The following FNIP1 variants were observed in gnomAD, a reference collection of about 807,000 sequenced individuals.
FNIP1 encodes the protein folliculin interacting protein 1.
In FNIP1, 40 loss-of-function variants were observed where a neutral mutation model predicts 124.5. The observed-to-expected ratio is 0.32, with a 90% CI of 0.25 to 0.42. The LOEUF (loss-of-function observed/expected upper bound fraction) is 0.42. FNIP1 is among the 10% of genes least tolerant of loss of function. The pLI is 1.00. For missense variants in FNIP1, 1,176 were observed against 1,403.7 expected, an observed-to-expected ratio of 0.84 and a Z score of 2.59; for synonymous variants, 472 against 470.6, an observed-to-expected ratio of 1.00 and a Z score of -0.04.
Position 131,710,607 on chromosome 5 carries a change from C to A in FNIP1, c.677G>T (p.Arg226Leu), listed in dbSNP as rs747434286. 1 of 1,613,930 alleles carries A rather than the reference C, an allele frequency of 6.2e-7. No homozygotes were observed. Among genetic ancestry groups the A allele is most frequent in the Non-Finnish European group, 8.5e-7 (1 of 1,179,956 alleles). The change falls in exon 7 of 18, where the codon CGC becomes CTC. Residue 226 changes from arginine (R) to leucine (L), a missense_variant. Arg to Leu is a moderately radical substitution (Grantham distance 102, BLOSUM62 -2). Around this residue, in one of 2 missense-constraint regions of FNIP1, gnomAD observed 1,109 missense variants for 1,288.5 expected, o/e 0.86. Transcript: ENST00000510461. Reference sequence around the variant, plus strand: ...AAAGAAAGAGGCGCTCCTGATCAGGCGGAGCGGACCCTGCTCAGAGAATGC... The same window carrying A: ...AAAGAAAGAGGCGCTCCTGATCAGGAGGAGCGGACCCTGCTCAGAGAATGC... Reference protein sequence around the residue: ...RRAFSEQGPLRLIRSASFFAV... With the variant: ...RRAFSEQGPLLLIRSASFFAV...
At chr5:131,669,649 G>GC (rs1333851433) in intron 15 of FNIP1, among the ~76,000 whole-genome samples, 1 of 151,828 alleles carries the variant, frequency 6.6e-6, no homozygotes, top group East Asian at 1.9e-4. Context: ...CATGATTAAG[G>GC]GATGGACAAA....
At chr5:131,761,776 C>T (rs559592915) in intron 1 of FNIP1, among the ~76,000 whole-genome samples, 3 of 151,948 alleles carry the variant, frequency 2.0e-5, no homozygotes, top group South Asian at 2.1e-4. Flanking sequence ...TAAATTCATA[C>T]GGAACCACAA....
intron 5 of FNIP1, among the ~76,000 whole-genome samples, chr5:131,717,061 A>C (rs1475738645): frequency 6.6e-6 from 1 of 152,000 alleles, no homozygotes; most frequent in African/African-American, 2.4e-5. Flanking sequence ...ATATGTATAC[A>C]TGTCCCATGT....
Position 131,796,965 on chromosome 5 carries a change from A to AG in FNIP1, c.-45dup. The AG allele has an allele frequency of 6.5e-7, 1 of 1,538,800 alleles. No individual in the cohort carries two copies. ...GGGGTCGCTCCGCTGGGCGCTTGCTAGGCCCCTGCTCCTACAGCCGCCCCG... is the reference window on the plus strand; with the variant it reads ...GGGGTCGCTCCGCTGGGCGCTTGCTAGGGCCCCTGCTCCTACAGCCGCCCCG... On this transcript the variant is annotated 5_prime_UTR_variant, in exon 1 of 18. Transcript: ENST00000510461.
intron 11 of FNIP1, among the ~76,000 whole-genome samples, chr5:131,694,106 T>A (rs1472325628): frequency 1.3e-5 from 2 of 152,168 alleles, no homozygotes; most frequent in East Asian, 3.8e-4. Flanking sequence ...ATAGGAACTC[T>A]CACTAATTGC....
chr5:131,646,312 G>A (rs1020858925), intron 17 of FNIP1, among the ~76,000 whole-genome samples: 1 of 152,162 alleles, frequency 6.6e-6, no homozygotes, highest in South Asian at 2.1e-4. Flanking sequence ...AGAATCATCT[G>A]TTTCCAACCT....
At chr5:131,719,830 A>G (rs990747315) in intron 3 of FNIP1, among the ~76,000 whole-genome samples, 2 of 152,196 alleles carry the variant, frequency 1.3e-5, no homozygotes, top group African/African-American at 4.8e-5. Flanking sequence ...ATGCAGAATA[A>G]TTTTTACTAC....
rs182562979 is a variant in FNIP1, at chr5:131,692,083, T to C, written c.1202+6834A>G. On this transcript the variant is annotated intron_variant, in intron 11 of 17. Transcript: ENST00000510461. ...AGAAGGAAGACAGAAAAAGTATACA[T>C]GTGGAAAGGAAATAAAACAGTCTTT... Among the ~76,000 whole-genome samples, 81 of 152,020 alleles carry C rather than the reference T, an allele frequency of 5.3e-4. 1 individual carries two copies. Among genetic ancestry groups the C allele is most frequent in the Non-Finnish European group, 9.0e-4 (61 of 67,936 alleles).
intron 15 of FNIP1, among the ~76,000 whole-genome samples, chr5:131,669,040 T>C (rs1414030089): frequency 6.6e-6 from 1 of 152,158 alleles, no homozygotes; most frequent in African/African-American, 2.4e-5. Flanking sequence ...ACTAGCAACC[T>C]TATAAAAACT....
At chr5:131,657,019 C>CTTTTT (rs71000999) in intron 15 of FNIP1, among the ~76,000 whole-genome samples, 23 of 89,636 alleles carry the variant, frequency 2.6e-4, no homozygotes, top group East Asian at 7.4e-4. Flanking sequence ...CCACCCATGC[C>CTTTTT]TTTTTTTTTT....
At chr5:131,734,825 ATG>A (rs1372241279) in intron 2 of FNIP1, among the ~76,000 whole-genome samples, 1 of 152,220 alleles carries the variant, frequency 6.6e-6, no homozygotes, top group Non-Finnish European at 1.5e-5. Context: ...GCTGGAGAGG[ATG>A]TGGAGAAATA....
rs557655947 is a variant in FNIP1 at position 131,695,109 on chromosome 5, A to G, written c.1202+3808T>C. 4.3e-3 allele frequency among the ~76,000 whole-genome samples: 21 copies of G among 4,928 alleles called. No individual in the cohort carries two copies. In the Admixed American group the frequency reaches 0.045, roughly 10 times the overall value. 3.2% of individuals were successfully genotyped at this position (4,928 alleles called of 152,430 possible). On this transcript the variant is annotated intron_variant, in intron 11 of 17. Transcript: ENST00000510461. ...CACAGAGTGAGACACTGTCTCAAAT[A>G]AATAAATAAATAAATAAATAAATAA...
intron 10 of FNIP1, among the ~76,000 whole-genome samples, chr5:131,700,628 TC>T (rs1768867224): frequency 6.6e-6 from 1 of 152,132 alleles, no homozygotes; most frequent in African/African-American, 2.4e-5. Flanking sequence ...GTAGTGTTCT[TC>T]CTTAATCTTA....
intron 3 of FNIP1, among the ~76,000 whole-genome samples, chr5:131,727,927 C>T (rs558710351): frequency 1.1e-4 from 17 of 152,320 alleles, no homozygotes; most frequent in South Asian, 2.1e-4. Flanking sequence ...ATTTCTCCTT[C>T]GCTTATGAAG....
At chr5:131,786,425 G>A (rs768238600) in intron 1 of FNIP1, among the ~76,000 whole-genome samples, 6 of 152,154 alleles carry the variant, frequency 3.9e-5, no homozygotes, top group Non-Finnish European at 7.3e-5. Context: ...TGTAAAATAC[G>A]TCACATCCAA....
chr5:131,777,570 AC>A (rs761134992), intron 1 of FNIP1, among the ~76,000 whole-genome samples: 1 of 152,240 alleles, frequency 6.6e-6, no homozygotes, highest in Non-Finnish European at 1.5e-5. Flanking sequence ...TGAATCAAAT[AC>A]TAAAAAAACA....
rs1561658262 is a variant in FNIP1, at chr5:131,693,317, CACATATATATATATACATAT to C, written c.1202+5580_1202+5599del. Among the ~76,000 whole-genome samples, 387 of 41,574 alleles carry C rather than the reference CACATATATATATATACATAT, an allele frequency of 9.3e-3. 4 individuals are homozygous for C. The highest frequency in any genetic ancestry group is 0.032 in the African/African-American group (359 of 11,266). The allele number at this position is 41,574 out of a possible 152,430, so 27.3% of individuals were successfully genotyped here. A position where few individuals can be genotyped will look rare whatever the true frequency, so the allele number is the denominator to read the frequency against. On this transcript the variant is annotated intron_variant, in intron 11 of 17. Transcript: ENST00000510461. ...ATATACATATATATATATATATATA[CACATATATATATATACATAT>C]ATATATATATATATATATATATATA...
chr5:131,780,137 T>C (rs1202893473), intron 1 of FNIP1, among the ~76,000 whole-genome samples: 1 of 152,144 alleles, frequency 6.6e-6, no homozygotes, highest in East Asian at 1.9e-4. Flanking sequence ...AAAATGACAG[T>C]AAATGAAATA....
chr5:131,791,466 A>T (rs914671984), intron 1 of FNIP1, among the ~76,000 whole-genome samples: 5 of 152,266 alleles, frequency 3.3e-5, no homozygotes, highest in African/African-American at 1.2e-4. Context: ...AAGGGAATGT[A>T]AATATGATAA....
Sources: allele counts gnomAD v4.1 joint callset (sites outside exome capture counted in the v4.1 genomes callset), GRCh38; gene constraint gnomAD v4.1.1; regional missense constraint gnomAD v4.1.1; transcripts MANE v1.5; gene names NCBI Gene and HGNC (gene_info 2026-07-23, HGNC 2026-07-21).